GPR61: variants seen among roughly 807,000 people sequenced by gnomAD.
GPR61 encodes G protein-coupled receptor 61.
In GPR61, 15 loss-of-function variants were observed where a neutral mutation model predicts 29.2. The observed-to-expected ratio is 0.51, with a 90% CI of 0.34 to 0.79. The LOEUF is 0.79. GPR61 is among the 30% of genes least tolerant of loss of function. The pLI is 0.01. For synonymous variants in GPR61, 238 were observed against 242.3 expected (o/e 0.98, Z 0.17); for missense variants, 399 against 582.5 (o/e 0.69, Z 3.24).
rs568419095 is a variant in GPR61, at chr1:109,543,388, C to T, written c.366C>T (p.Ser122=). 94 of 1,611,988 alleles carry T rather than the reference C, an allele frequency of 5.8e-5. 1 individual carries two copies. The highest frequency in any genetic ancestry group is 5.8e-4 in the South Asian group (53 of 91,036). The change falls in exon 2 of 2, where the codon AGC becomes AGT. Residue 122 remains serine, a synonymous_variant. Coordinates refer to ENST00000527748, the MANE Select transcript of GPR61 (RefSeq NM_001393907.1). This position sits in a 1 kb window ranked among gnomAD's most constrained non-coding sequence, Gnocchi z 6.8. ...EVACRLYLFL[S]VCFVSLAILS... is the part of the protein sequence containing the mutation. ...CCTGCCGCCTCTACTTGTTTCTGAGCGTGTGCTTTGTCAGCCTGGCCATCC... is the reference window on the plus strand; with the variant it reads ...CCTGCCGCCTCTACTTGTTTCTGAGTGTGTGCTTTGTCAGCCTGGCCATCC...
rs1647759807 is a variant in GPR61 at position 109,545,093 on chromosome 1, T to A, written c.*715T>A. On this transcript the variant is annotated 3_prime_UTR_variant, in exon 2 of 2. Coordinates refer to ENST00000527748, the MANE Select transcript of GPR61 (RefSeq NM_001393907.1). Reference sequence around the variant, plus strand: ...AAAGCCCTTCTGTTCTATTTTTCTGTCTCTCTCCTGCACACAGGAGATCAA... The same window carrying A: ...AAAGCCCTTCTGTTCTATTTTTCTGACTCTCTCCTGCACACAGGAGATCAA... 1 of 152,152 alleles carries A rather than the reference T, an allele frequency of 6.6e-6. No homozygotes were observed. Among genetic ancestry groups the A allele is most frequent in the Non-Finnish European group, 1.5e-5 (1 of 67,998 alleles). 9.4% of individuals were successfully genotyped at this position (152,152 alleles called of 1,614,324 possible).
At chr1:109,540,072 GC>G (rs1336726529) in intron 1 of GPR61, 119 bp downstream of exon 1, 2 of 152,334 alleles carry the variant, frequency 1.3e-5, no homozygotes, top group Non-Finnish European at 2.9e-5. Flanking sequence ...ATTCCGGTGA[GC>G]AGTTTGATCA....
chr1:109,544,605 T>A lies in GPR61; in HGVS notation c.*227T>A. On this transcript the variant is annotated 3_prime_UTR_variant, in exon 2 of 2. Coordinates refer to ENST00000527748, the MANE Select transcript of GPR61 (RefSeq NM_001393907.1). The surrounding 1 kb of genome is among the most constrained non-coding windows in gnomAD (Gnocchi z 4.6). ...ACTGCTAGGGGAGGGAACCTGGGTATGGTGAGACGGTGACGAGAGAAAAGG... is the reference window on the plus strand; with the variant it reads ...ACTGCTAGGGGAGGGAACCTGGGTAAGGTGAGACGGTGACGAGAGAAAAGG... 1.9e-6 allele frequency: 1 copy of A among 536,340 alleles called. No homozygotes were observed. Among genetic ancestry groups the A allele is most frequent in the Admixed American group, 3.4e-5 (1 of 29,396 alleles). 33.2% of individuals were successfully genotyped at this position (536,340 alleles called of 1,614,324 possible).
rs1647686036 is a variant in GPR61 at position 109,543,129 on chromosome 1, T to C, written c.107T>C (p.Leu36Pro). 1 of 1,595,690 alleles carries C rather than the reference T, an allele frequency of 6.3e-7. No individual in the cohort carries two copies. Among genetic ancestry groups the C allele is most frequent in the African/African-American group, 1.3e-5 (1 of 74,810 alleles). ...GCCAGTGGGGTCCCGGAGGTGGGGCTACGGGATGTTGCTTCGGAATCTGTG... is the reference window on the plus strand; with the variant it reads ...GCCAGTGGGGTCCCGGAGGTGGGGCCACGGGATGTTGCTTCGGAATCTGTG... ...STASGVPEVG[L>P]RDVASESVAL... The change falls in exon 2 of 2, where the codon CTA becomes CCA. Residue 36 changes from leucine (L) to proline (P), a missense_variant. This residue lies in a region of GPR61 where 78 missense variants were observed against 101.0 expected (regional missense o/e 0.77). Transcript: ENST00000527748. The surrounding 1 kb of genome is among the most constrained non-coding windows in gnomAD (Gnocchi z 6.8).
At chr1:109,541,890 T>C (rs1256586080) in intron 1 of GPR61, among the ~76,000 whole-genome samples, 1 of 152,242 alleles carries the variant, frequency 6.6e-6, no homozygotes, top group African/African-American at 2.4e-5. Flanking sequence ...TTTTCACTGC[T>C]CCTACTCAAC....
Position 109,544,637 on chromosome 1 carries a change from A to C in GPR61, c.*259A>C. 1 of 474,416 alleles carries C rather than the reference A, an allele frequency of 2.1e-6. No homozygotes were observed. The highest frequency in any genetic ancestry group is 3.9e-6 in the Non-Finnish European group (1 of 258,672). The allele number at this position is 474,416 out of a possible 1,614,324, so 29.4% of individuals were successfully genotyped here. The stretch of plus-strand genomic sequence containing the variant: ...ACGGTGACGAGAGAAAAGGGTCACA[A>C]AGGTGAGGTGAAACCTCTCAATTGG... On this transcript the variant is annotated 3_prime_UTR_variant, in exon 2 of 2. Coordinates refer to ENST00000527748, the MANE Select transcript of GPR61 (RefSeq NM_001393907.1). This position sits in a 1 kb window ranked among gnomAD's most constrained non-coding sequence, Gnocchi z 4.6.
rs188075573 is a variant in GPR61, at chr1:109,539,879, T to C, written c.-676T>C. The C allele has an allele frequency of 1.3e-5, 2 of 152,328 alleles. No homozygotes were observed. The highest frequency in any genetic ancestry group is 3.9e-4 in the East Asian group (2 of 5,174). 9.4% of individuals were successfully genotyped at this position (152,328 alleles called of 1,614,324 possible). On this transcript the variant is annotated 5_prime_UTR_variant, in exon 1 of 2. Coordinates refer to ENST00000527748, the MANE Select transcript of GPR61 (RefSeq NM_001393907.1). ...TGCCTCTCACCGCTCACTGCAGTGC[T>C]TCAGGCTTCAGCAGCCTTGGAGAAG...
At position 109,543,903 on chromosome 1, in the gene GPR61, G is replaced by C. The variant is rs754270763; in HGVS notation, c.881G>C (p.Gly294Ala). ...GCAGTGGTTCTCCTGGCTGTGGGGG[G>C]ACAGTTCCTGCTCTGTTGGTTGCCC... is the stretch of plus-strand genomic sequence containing the variant. The part of the protein sequence containing the change: ...KAAVVLLAVG[G>A]QFLLCWLPYF... Residue 294 changes from glycine (G) to alanine (A), a missense_variant, in exon 2 of 2, where the codon GGA becomes GCA. Physicochemically the swap from Gly to Ala is moderately conservative, Grantham distance 60. Transcript: ENST00000527748. This position sits in a 1 kb window ranked among gnomAD's most constrained non-coding sequence, Gnocchi z 6.8. 1.2e-6 allele frequency: 2 copies of C among 1,613,660 alleles called. No homozygotes were observed. The highest frequency in any genetic ancestry group is 1.7e-6 in the Non-Finnish European group (2 of 1,180,040).
Position 109,544,347 on chromosome 1 carries a change from G to A in GPR61, c.1325G>A (p.Arg442His), listed in dbSNP as rs190128878. The stretch of plus-strand genomic sequence containing the variant: ...ATCATCATGTCAGACAGCTACCTCC[G>A]TCCTGCCGCCTCACCCCGGCTGGAG... ...SDIIMSDSYL[R>H]PAASPRLES Residue 442 changes from arginine (R) to histidine (H), a missense_variant, in exon 2 of 2, where the codon CGT becomes CAT. By Grantham distance (29) the Arg-to-His change is conservative (BLOSUM62 0). This residue lies in a region of GPR61 where 320 missense variants were observed against 459.8 expected (regional missense o/e 0.70). Transcript: ENST00000527748. The surrounding 1 kb of genome is among the most constrained non-coding windows in gnomAD (Gnocchi z 4.6). 26 of 1,613,196 alleles carry A rather than the reference G, an allele frequency of 1.6e-5. No individual in the cohort carries two copies. The highest frequency in any genetic ancestry group is 8.3e-5 in the Admixed American group (5 of 60,000).
In GPR61 at chr1:109,543,854, C is replaced by G. The variant is rs746738584; in HGVS notation, c.832C>G (p.Arg278Gly). The G allele has an allele frequency of 1.2e-5, 19 of 1,613,198 alleles. No individual in the cohort carries two copies. The highest frequency in any genetic ancestry group is 1.5e-5 in the Non-Finnish European group (18 of 1,180,044). ...SSGAPQTTPH[R>G]TFGGGKAAVV... ...GGGGGCCCCCCAGACCACCCCACACCGGACGTTTGGGGGAGGGAAAGCAGC... is the reference window on the plus strand; with the variant it reads ...GGGGGCCCCCCAGACCACCCCACACGGGACGTTTGGGGGAGGGAAAGCAGC... The change falls in exon 2 of 2, where the codon CGG becomes GGG. Residue 278 changes from arginine (R) to glycine (G), a missense_variant. Arg to Gly is a moderately radical substitution (Grantham distance 125). Transcript: ENST00000527748. The surrounding 1 kb of genome is among the most constrained non-coding windows in gnomAD (Gnocchi z 6.8).
At position 109,544,323 on chromosome 1, in the gene GPR61, T is replaced by C. The variant is rs1362675680; in HGVS notation, c.1301T>C (p.Ile434Thr). ...CTGGAGCAGCAACTCACCAGCGACA[T>C]CATCATGTCAGACAGCTACCTCCGT... ...EFLEQQLTSD[I>T]IMSDSYLRPA... is the part of the protein sequence containing the mutation. Residue 434 changes from isoleucine to threonine, a missense_variant, in exon 2 of 2, where the codon ATC becomes ACC. This residue lies in a region of GPR61 where 320 missense variants were observed against 459.8 expected (regional missense o/e 0.70). Transcript: ENST00000527748. This position sits in a 1 kb window ranked among gnomAD's most constrained non-coding sequence, Gnocchi z 4.6. The C allele has an allele frequency of 1.2e-6, 2 of 1,613,664 alleles. No individual in the cohort carries two copies. Among genetic ancestry groups the C allele is most frequent in the East Asian group, 4.5e-5 (2 of 44,870 alleles).
chr1:109,543,972 T>A lies in GPR61; in HGVS notation c.950T>A (p.Ile317Asn). 1 of 1,614,238 alleles carries A rather than the reference T, an allele frequency of 6.2e-7. No individual in the cohort carries two copies. Among genetic ancestry groups the A allele is most frequent in the Non-Finnish European group, 8.5e-7 (1 of 1,180,036 alleles). ...HLYVALSAQP[I>N]STGQVESVVT... ...TATGTTGCCCTGAGTGCTCAGCCCA[T>A]TTCAACTGGGCAGGTGGAGAGTGTG... The change falls in exon 2 of 2, where the codon ATT becomes AAT. Residue 317 changes from isoleucine (I) to asparagine (N), a missense_variant. Ile to Asn is a moderately radical substitution (Grantham distance 149, BLOSUM62 -3). Transcript: ENST00000527748. This position sits in a 1 kb window ranked among gnomAD's most constrained non-coding sequence, Gnocchi z 6.8.
In GPR61 at chr1:109,543,383, C is replaced by T. The variant is rs1200468550; in HGVS notation, c.361C>T (p.Leu121=). 6.2e-7 allele frequency: 1 copy of T among 1,612,180 alleles called. No homozygotes were observed. Among genetic ancestry groups the T allele is most frequent in the Admixed American group, 1.7e-5 (1 of 59,986 alleles). Residue 121 remains leucine, a synonymous_variant, in exon 2 of 2, where the codon CTG becomes TTG. Coordinates refer to ENST00000527748, the MANE Select transcript of GPR61 (RefSeq NM_001393907.1). This position sits in a 1 kb window ranked among gnomAD's most constrained non-coding sequence, Gnocchi z 6.8. The part of the protein sequence containing the change: ...GEVACRLYLF[L]SVCFVSLAIL... ...GGTGGCCTGCCGCCTCTACTTGTTT[C>T]TGAGCGTGTGCTTTGTCAGCCTGGC... is the stretch of plus-strand genomic sequence containing the variant.
In GPR61 at chr1:109,544,201, G is replaced by A; in HGVS notation, c.1179G>A (p.Glu393=). The change falls in exon 2 of 2, where the codon GAG becomes GAA. Residue 393 remains glutamate, a synonymous_variant. Coordinates refer to ENST00000527748, the MANE Select transcript of GPR61 (RefSeq NM_001393907.1). The surrounding 1 kb of genome is among the most constrained non-coding windows in gnomAD (Gnocchi z 4.6). ...QFLQGTGCPS[E]SWVSRPLPSP... ...TTCAGGGGACTGGCTGTCCTTCTGA[G>A]TCCTGGGTTTCCCGACCCCTACCCA... The A allele has an allele frequency of 6.2e-7, 1 of 1,614,102 alleles. No individual in the cohort carries two copies. The highest frequency in any genetic ancestry group is 8.5e-7 in the Non-Finnish European group (1 of 1,180,030).
rs750637510 is a variant in GPR61 at position 109,543,232 on chromosome 1, G to A, written c.210G>A (p.Thr70=). ...NAAVMAVIAK[T]PALRKFVFVF... ...CTGTGATGGCCGTGATCGCCAAGAC[G>A]CCTGCCCTCCGAAAATTTGTCTTCG... Residue 70 remains threonine (T), a synonymous_variant, in exon 2 of 2, where the codon ACG becomes ACA. Transcript: ENST00000527748. This position sits in a 1 kb window ranked among gnomAD's most constrained non-coding sequence, Gnocchi z 6.8. 2.9e-5 allele frequency: 47 copies of A among 1,614,038 alleles called. No individual in the cohort carries two copies. Among genetic ancestry groups the A allele is most frequent in the African/African-American group, 8.0e-5 (6 of 74,924 alleles).
chr1:109,544,802 T>C lies in GPR61; in HGVS notation c.*424T>C, dbSNP rs182886343. 73 of 166,064 alleles carry C rather than the reference T, an allele frequency of 4.4e-4. 1 individual carries two copies. Among genetic ancestry groups the C allele is most frequent in the Admixed American group, 4.3e-3 (68 of 15,900 alleles). The allele number at this position is 166,064 out of a possible 1,614,324, so 10.3% of individuals were successfully genotyped here. ...TCAGTGTAATTGTCCAGGGCAGTAA[T>C]TGCACCCAAGCAAGGTAAGAAAATG... On this transcript the variant is annotated 3_prime_UTR_variant, in exon 2 of 2. Coordinates refer to ENST00000527748, the MANE Select transcript of GPR61 (RefSeq NM_001393907.1). The surrounding 1 kb of genome is among the most constrained non-coding windows in gnomAD (Gnocchi z 4.6).
rs1647666928 is a variant in GPR61 at position 109,542,469 on chromosome 1, A to G, written c.-554A>G. ...ATTCAGAAGATTCACAGAGTTAGTA[A>G]TGCCCAGAACTGGGACTAGAAACTA... On this transcript the variant is annotated 5_prime_UTR_variant, in exon 2 of 2. An upstream start codon of the reference 5' UTR is lost. Transcript: ENST00000527748. The G allele has an allele frequency of 6.4e-6, 2 of 313,466 alleles. No individual in the cohort carries two copies. Among genetic ancestry groups the G allele is most frequent in the African/African-American group, 4.3e-5 (2 of 46,300 alleles). The allele number at this position is 313,466 out of a possible 1,614,324, so 19.4% of individuals were successfully genotyped here. A position where few individuals can be genotyped will look rare whatever the true frequency, so the allele number is the denominator to read the frequency against.
intron 1 of GPR61, among the ~76,000 whole-genome samples, chr1:109,540,574 G>T (rs1317932216): frequency 6.6e-6 from 1 of 152,226 alleles, no homozygotes; most frequent in Non-Finnish European, 1.5e-5. Context: ...GAAGGTCCTG[G>T]AGGTAAGAGG....
Position 109,542,805 on chromosome 1 carries a change from T to G in GPR61, c.-218T>G, listed in dbSNP as rs1382827893. ...TCTTAGCAGTCACCAAGGCAGACCCTGCAGCTACCTCCGGCCAGAAAGGGG... is the reference window on the plus strand; with the variant it reads ...TCTTAGCAGTCACCAAGGCAGACCCGGCAGCTACCTCCGGCCAGAAAGGGG... On this transcript the variant is annotated 5_prime_UTR_variant, in exon 2 of 2. Coordinates refer to ENST00000527748, the MANE Select transcript of GPR61 (RefSeq NM_001393907.1). 16 of 722,266 alleles carry G rather than the reference T, an allele frequency of 2.2e-5. No homozygotes were observed. The highest frequency in any genetic ancestry group is 3.9e-5 in the Non-Finnish European group (16 of 405,948). The allele number at this position is 722,266 out of a possible 1,614,324, so 44.7% of individuals were successfully genotyped here.
Sources: allele counts gnomAD v4.1 joint callset (sites outside exome capture counted in the v4.1 genomes callset), GRCh38; gene constraint gnomAD v4.1.1; regional missense constraint gnomAD v4.1.1; non-coding constraint Gnocchi (gnomAD v3.1); transcripts MANE v1.5; gene names NCBI Gene and HGNC (gene_info 2026-07-23, HGNC 2026-07-21).